Variants in WDFY3 observed in about 807,000 individuals in gnomAD.
WDFY3 encodes the protein WD repeat and FYVE domain-containing protein 3.
Under a neutral mutation model 409.6 loss-of-function variants are expected in WDFY3, and 66 were observed. The observed-to-expected ratio is 0.16, with a 90% confidence interval of 0.13 to 0.20. The LOEUF (loss-of-function observed/expected upper bound fraction) is 0.20, where lower values mean the gene tolerates loss of function less well. Ranked by LOEUF, WDFY3 falls within the 10% of genes least tolerant of loss-of-function variation. The pLI, the probability that WDFY3 is intolerant of heterozygous loss-of-function variation, is 1.00. For missense variants in WDFY3, 3,031 were observed against 4,298.1 expected (o/e 0.71, Z 8.24); for synonymous variants, 1,521 against 1,537.1 (o/e 0.99, Z 0.25).
intron 1 of WDFY3, among the ~76,000 whole-genome samples, chr4:84,942,564 G>A (rs1012564385): frequency 1.3e-5 from 2 of 152,152 alleles, no homozygotes; most frequent in Non-Finnish European, 2.9e-5. Context: ...TAATGAATAT[G>A]TTTGAATTTA....
chr4:84,686,612 T>C (rs62303075), intron 62 of WDFY3, among the ~76,000 whole-genome samples: 2,179 of 152,200 alleles, frequency 0.014, 22 homozygotes, highest in Non-Finnish European at 0.022. Context: ...CTCAATGACA[T>C]GGCTAGAACT....
At chr4:84,845,580 C>CT (rs1416068960) in intron 5 of WDFY3, among the ~76,000 whole-genome samples, 1 of 151,632 alleles carries the variant, frequency 6.6e-6, no homozygotes, top group Non-Finnish European at 1.5e-5. Context: ...ATATTAAGTG[C>CT]TTTTTTTAAG....
At chr4:84,791,854 C>T (rs1748592961) in intron 21 of WDFY3, among the ~76,000 whole-genome samples, 1 of 152,212 alleles carries the variant, frequency 6.6e-6, no homozygotes, top group East Asian at 1.9e-4. Context: ...TTTTGCTACC[C>T]TATATGTTAC....
chr4:84,737,937 T>G (rs1385213226), intron 40 of WDFY3, among the ~76,000 whole-genome samples: 2 of 152,156 alleles, frequency 1.3e-5, no homozygotes, highest in African/African-American at 4.8e-5. Flanking sequence ...GGCAACAGAA[T>G]CTGCTTTTCT....
chr4:84,729,267 C>A (rs1316562946), intron 44 of WDFY3, among the ~76,000 whole-genome samples: 1 of 151,752 alleles, frequency 6.6e-6, no homozygotes, highest in African/African-American at 2.4e-5. Context: ...TTATTTTCCT[C>A]CCTTAGGATT....
intron 1 of WDFY3, among the ~76,000 whole-genome samples, 151 bp from the exon 2 acceptor site, chr4:84,932,514 T>A (rs1008166496): frequency 4.6e-5 from 7 of 152,184 alleles, no homozygotes; most frequent in Admixed American, 2.6e-4. Flanking sequence ...TAGATTAAAT[T>A]TGCTATTAAA....
chr4:84,891,937 T>G (rs967095392), intron 3 of WDFY3, among the ~76,000 whole-genome samples: 1 of 151,866 alleles, frequency 6.6e-6, no homozygotes, highest in African/African-American at 2.4e-5. Context: ...TCAGTAATAG[T>G]AGAACTAATC....
At chr4:84,907,210 T>C (rs1023124079) in intron 2 of WDFY3, among the ~76,000 whole-genome samples, 7 of 152,180 alleles carry the variant, frequency 4.6e-5, no homozygotes, top group African/African-American at 1.7e-4. Context: ...ATGATGCTCC[T>C]CTTTTCAAAG....
intron 25 of WDFY3, among the ~76,000 whole-genome samples, 192 bp from the exon 26 acceptor site, chr4:84,780,490 G>A (rs1435553152): frequency 6.6e-6 from 1 of 152,140 alleles, no homozygotes; most frequent in Non-Finnish European, 1.5e-5. Flanking sequence ...TGGGCACGGT[G>A]GCTCACACCT....
At chr4:84,728,795 T>C (rs1736093184) in intron 44 of WDFY3, among the ~76,000 whole-genome samples, 1 of 152,162 alleles carries the variant, frequency 6.6e-6, no homozygotes, top group Non-Finnish European at 1.5e-5. Flanking sequence ...AGTAAATATG[T>C]TATACCAATA....
intron 1 of WDFY3, among the ~76,000 whole-genome samples, chr4:84,944,822 A>G (rs1772606096): frequency 6.6e-6 from 1 of 152,068 alleles, no homozygotes; most frequent in Non-Finnish European, 1.5e-5. Context: ...ATAAATAAAT[A>G]ATACATATAG....
At chr4:84,745,751 G>T (rs777705704) in intron 36 of WDFY3, among the ~76,000 whole-genome samples, 2 of 152,090 alleles carry the variant, frequency 1.3e-5, no homozygotes, top group Non-Finnish European at 2.9e-5. Flanking sequence ...AAATTTTCCT[G>T]TGTATTTGAA....
intron 36 of WDFY3, among the ~76,000 whole-genome samples, chr4:84,745,590 CTCTT>C (rs1459031652): frequency 1.3e-5 from 2 of 152,148 alleles, no homozygotes; most frequent in Non-Finnish European, 2.9e-5. Flanking sequence ...AGGAAAATTG[CTCTT>C]TCTTCTGCAT....
intron 3 of WDFY3, among the ~76,000 whole-genome samples, chr4:84,862,705 C>T (rs1165423905): frequency 6.6e-6 from 1 of 151,422 alleles, no homozygotes; most frequent in Admixed American, 6.6e-5. Context: ...TTTTTTTTTT[C>T]TGCTGGGCGC....
intron 5 of WDFY3, among the ~76,000 whole-genome samples, chr4:84,848,740 G>T (rs1758460350): frequency 6.6e-6 from 1 of 152,156 alleles, no homozygotes; most frequent in South Asian, 2.1e-4. Flanking sequence ...GGAGACAGAA[G>T]TATCTCTCCA....
chr4:84,865,686 C>T (rs531184707), intron 3 of WDFY3, among the ~76,000 whole-genome samples: 49 of 152,270 alleles, frequency 3.2e-4, no homozygotes, highest in Non-Finnish European at 6.3e-4. Context: ...CAAGTTGAGC[C>T]GAGTCTCTCC....
At position 84,809,987 on chromosome 4, in the gene WDFY3, C is replaced by G; in HGVS notation, c.2245G>C (p.Glu749Gln). The change falls in exon 14 of 68, where the codon GAG becomes CAG. Residue 749 changes from glutamate to glutamine, a missense_variant. By Grantham distance (29) the Glu-to-Gln change is conservative (BLOSUM62 2). This residue lies in a region of WDFY3 where 1,322 missense variants were observed against 1,697.9 expected (regional missense o/e 0.78). Transcript: ENST00000295888. ...GATTCTATTGAGATTACATCTTCCTCTAAAAGTCTTTGAAATGGCTGTGTA... is the reference window on the plus strand; with the variant it reads ...GATTCTATTGAGATTACATCTTCCTGTAAAAGTCTTTGAAATGGCTGTGTA... ...SNTQPFQRLLEEDVISIESVS... is the reference protein window; with the variant it reads ...SNTQPFQRLLQEDVISIESVS... 2.5e-6 allele frequency: 4 copies of G among 1,614,134 alleles called. No individual in the cohort carries two copies. Among genetic ancestry groups the G allele is most frequent in the Non-Finnish European group, 3.4e-6 (4 of 1,180,012 alleles).
rs75965006 is a variant in WDFY3, at chr4:84,790,398, C to T, written c.3488-491G>A. Among the ~76,000 whole-genome samples, 643 of 151,988 alleles carry T rather than the reference C, an allele frequency of 4.2e-3. 2 individuals carry two copies. The highest frequency in any genetic ancestry group is 0.013 in the African/African-American group (559 of 41,480). On this transcript the variant is annotated intron_variant, in intron 21 of 67. Coordinates refer to ENST00000295888, the MANE Select transcript of WDFY3 (RefSeq NM_014991.6). ...AAAAGATAATGCAGACAGAAGATACCTTATTCATGCAATACCCTTACCTGC... is the reference window on the plus strand; with the variant it reads ...AAAAGATAATGCAGACAGAAGATACTTTATTCATGCAATACCCTTACCTGC...
At chr4:84,894,083 A>T (rs1427711437) in intron 3 of WDFY3, among the ~76,000 whole-genome samples, 1 of 152,226 alleles carries the variant, frequency 6.6e-6, no homozygotes, top group African/African-American at 2.4e-5. Flanking sequence ...TAGAAACTAT[A>T]GTAAATTTCT....
Sources: allele counts gnomAD v4.1 joint callset (sites outside exome capture counted in the v4.1 genomes callset), GRCh38; gene constraint gnomAD v4.1.1; regional missense constraint gnomAD v4.1.1; transcripts MANE v1.5; gene names NCBI Gene and HGNC (gene_info 2026-07-23, HGNC 2026-07-21).